ANO4: variants seen among roughly 807,000 people sequenced by gnomAD.
ANO4 encodes anoctamin-4.
A neutral mutation model predicts 141.9 loss-of-function variants in ANO4; 69 were observed. The observed-to-expected ratio is 0.49, with a 90% confidence interval of 0.40 to 0.59. ANO4 has a LOEUF of 0.59. ANO4 is among the 20% of genes least tolerant of loss of function. The pLI, the probability that ANO4 is intolerant of heterozygous loss-of-function variation, is 0.00. For synonymous variants in ANO4, 350 were observed against 394.3 expected (o/e 0.89, Z 1.33); for missense variants, 894 against 1,162.2 (o/e 0.77, Z 3.36).
chr12:101,106,941 C>T (rs1275909362), intron 22 of ANO4, among the ~76,000 whole-genome samples: 2 of 148,586 alleles, frequency 1.3e-5, no homozygotes, highest in Non-Finnish European at 3.0e-5. Context: ...AGACCAATAT[C>T]ATGTGGGTCA....
intron 16 of ANO4, among the ~76,000 whole-genome samples, chr12:101,085,633 G>T (rs1234111342): frequency 2.6e-5 from 4 of 152,096 alleles, no homozygotes; most frequent in African/African-American, 9.7e-5. Flanking sequence ...TCCGTCATGA[G>T]GATACTGAGG....
chr12:100,855,012 ATACGCTT>A (rs2038090824), intron 1 of ANO4, among the ~76,000 whole-genome samples: 3 of 151,868 alleles, frequency 2.0e-5, no homozygotes, highest in African/African-American at 4.8e-5. Flanking sequence ...TTTTCTCCTC[ATACGCTT>A]TATGGCCCAA....
At chr12:101,057,323 A>G (rs2048164852) in intron 14 of ANO4, among the ~76,000 whole-genome samples, 1 of 152,178 alleles carries the variant, frequency 6.6e-6, no homozygotes, top group African/African-American at 2.4e-5. Flanking sequence ...ATACGTGTGC[A>G]TGTGTCTTTA....
intron 14 of ANO4, chr12:101,068,389 G>C (rs2048680188): frequency 1.0e-6 from 1 of 981,114 alleles, no homozygotes. Context: ...AATTTGCCAA[G>C]ATGAAATAAG....
At chr12:101,010,591 T>C (rs994163521) in intron 8 of ANO4, among the ~76,000 whole-genome samples, 1 of 152,198 alleles carries the variant, frequency 6.6e-6, no homozygotes, top group Non-Finnish European at 1.5e-5. Flanking sequence ...ATAGGCCTTG[T>C]CACATAAAAA....
intron 3 of ANO4, among the ~76,000 whole-genome samples, chr12:100,778,622 C>T (rs1192528743): frequency 2.0e-5 from 3 of 152,124 alleles, no homozygotes; most frequent in Non-Finnish European, 4.4e-5. Context: ...GATCTGGGTT[C>T]CTGGGATCTC....
chr12:101,073,889 T>G (rs2048923473), intron 14 of ANO4, among the ~76,000 whole-genome samples: 1 of 152,148 alleles, frequency 6.6e-6, no homozygotes, highest in African/African-American at 2.4e-5. Context: ...ATTTTTATTT[T>G]TATTTGTGGG....
At chr12:100,908,944 T>A (rs1367904450) in intron 2 of ANO4, among the ~76,000 whole-genome samples, 1 of 152,184 alleles carries the variant, frequency 6.6e-6, no homozygotes, top group Non-Finnish European at 1.5e-5. Flanking sequence ...CTAACAAGGA[T>A]TTATTGGGAA....
intron 1 of ANO4, among the ~76,000 whole-genome samples, chr12:100,869,549 A>T (rs753398878): frequency 5.9e-5 from 9 of 152,160 alleles, no homozygotes; most frequent in Admixed American, 1.3e-4. Context: ...CATTCCCTTG[A>T]TATGAGACCC....
chr12:100,821,184 T>TCTA (rs2036031911), intron 1 of ANO4, among the ~76,000 whole-genome samples: 1 of 152,060 alleles, frequency 6.6e-6, no homozygotes, highest in Non-Finnish European at 1.5e-5. Flanking sequence ...TCTAGTCAGT[T>TCTA]GCCATATGGT....
intron 1 of ANO4, among the ~76,000 whole-genome samples, chr12:100,807,854 CTCCATCCATG>C (rs2035155305): frequency 6.6e-6 from 1 of 152,152 alleles, no homozygotes. Flanking sequence ...TGGCTTCCAG[CTCCATCCATG>C]TCCATCCATG....
chr12:100,896,820 T>G (rs912270860), intron 1 of ANO4, among the ~76,000 whole-genome samples: 10 of 152,080 alleles, frequency 6.6e-5, no homozygotes, highest in Non-Finnish European at 1.3e-4. Flanking sequence ...AAATGAAGAT[T>G]GAGGAGAATC....
chr12:101,010,818 G>A (rs2046054834), intron 8 of ANO4, among the ~76,000 whole-genome samples: 1 of 152,130 alleles, frequency 6.6e-6, no homozygotes. Context: ...GAAAAGACTG[G>A]TATGTTGGTT....
At chr12:101,037,811 C>T (rs1241082588) in intron 10 of ANO4, among the ~76,000 whole-genome samples, 1 of 152,120 alleles carries the variant, frequency 6.6e-6, no homozygotes, top group Non-Finnish European at 1.5e-5. Flanking sequence ...GTGTGGCACC[C>T]CTACTGTGGT....
At chr12:100,759,634 A>G (rs907369699) in intron 3 of ANO4, among the ~76,000 whole-genome samples, 5 of 152,182 alleles carry the variant, frequency 3.3e-5, no homozygotes, top group Non-Finnish European at 7.3e-5. Context: ...TGCCAAGCCT[A>G]AAGCTTGAAA....
chr12:100,983,341 G>A (rs1362341962), intron 7 of ANO4, among the ~76,000 whole-genome samples: 2 of 152,150 alleles, frequency 1.3e-5, no homozygotes, highest in Non-Finnish European at 2.9e-5. Flanking sequence ...AACGCATTGC[G>A]ACGAATTTAA....
intron 5 of ANO4, among the ~76,000 whole-genome samples, chr12:100,969,131 A>C (rs1441342766): frequency 2.0e-5 from 3 of 152,308 alleles, no homozygotes; most frequent in South Asian, 2.1e-4. Context: ...CAGGAATCAC[A>C]ATATCCACCT....
At chr12:100,905,973 GA>G (rs2040827508) in intron 2 of ANO4, among the ~76,000 whole-genome samples, 1 of 152,150 alleles carries the variant, frequency 6.6e-6, no homozygotes, top group South Asian at 2.1e-4. Context: ...TCATCTCTGA[GA>G]ATGAGAATGG....
At chr12:101,058,708 A>T (rs2048228310) in intron 14 of ANO4, among the ~76,000 whole-genome samples, 1 of 152,064 alleles carries the variant, frequency 6.6e-6, no homozygotes, top group African/African-American at 2.4e-5. Context: ...TTGCACATTG[A>T]TTTTGTATCC....
Sources: allele counts gnomAD v4.1 joint callset (sites outside exome capture counted in the v4.1 genomes callset), GRCh38; gene constraint gnomAD v4.1.1; transcripts MANE v1.5; gene names NCBI Gene and HGNC (gene_info 2026-07-23, HGNC 2026-07-21).